The following ERCC6L2 variants were observed in gnomAD, a reference collection of about 807,000 sequenced individuals.
ERCC6L2 encodes the protein ERCC excision repair 6 like 2.
In ERCC6L2, 77 loss-of-function variants were observed where a neutral mutation model predicts 132.0. That is an observed-to-expected ratio of 0.58 (90% confidence interval 0.49 to 0.71). The LOEUF is 0.71. Among genes scored for constraint, ERCC6L2 ranks in the 30% least tolerant of loss-of-function variants. ERCC6L2 has a pLI of 0.00. For missense variants in ERCC6L2, 1,542 were observed against 1,837.6 expected (o/e 0.84, Z 2.94); for synonymous variants, 583 against 632.4 (o/e 0.92, Z 1.17).
intron 20 of ERCC6L2, among the ~76,000 whole-genome samples, chr9:96,040,949 G>A (rs1002756323): frequency 6.6e-6 from 1 of 152,194 alleles, no homozygotes; most frequent in Non-Finnish European, 1.5e-5. Context: ...TATGCTAATG[G>A]GCCCCCTCTG....
At chr9:95,894,843 G>A (rs1239404594) in intron 2 of ERCC6L2, among the ~76,000 whole-genome samples, 1 of 151,982 alleles carries the variant, frequency 6.6e-6, no homozygotes, top group Non-Finnish European at 1.5e-5. Context: ...TGATCCGCCC[G>A]CCTCGGCCTC....
intron 17 of ERCC6L2, among the ~76,000 whole-genome samples, chr9:96,002,454 C>T (rs1833721923): frequency 6.8e-6 from 1 of 146,246 alleles, no homozygotes; most frequent in Non-Finnish European, 1.5e-5. Context: ...CAAGATCTGG[C>T]CCTGTCACCC....
At chr9:96,035,650 A>G (rs1011187405) in intron 19 of ERCC6L2, among the ~76,000 whole-genome samples, 4 of 152,188 alleles carry the variant, frequency 2.6e-5, no homozygotes, top group African/African-American at 7.2e-5. Flanking sequence ...GTCTCCTCTA[A>G]GCTGTTCTAA....
At chr9:95,928,612 A>C in intron 10 of ERCC6L2, 107 bp from the exon 11 acceptor site, 7 of 1,012,290 alleles carry the variant, frequency 6.9e-6, no homozygotes, top group Non-Finnish European at 9.7e-6. Flanking sequence ...TATAAGAAAG[A>C]AATTATGAAC....
chr9:95,898,181 A>G (rs1828567449), intron 3 of ERCC6L2, among the ~76,000 whole-genome samples: 1 of 152,158 alleles, frequency 6.6e-6, no homozygotes, highest in Non-Finnish European at 1.5e-5. Flanking sequence ...CTGTCATGGC[A>G]AAACAGAATT....
At chr9:95,962,982 A>G (rs942612692) in intron 13 of ERCC6L2, among the ~76,000 whole-genome samples, 2 of 152,176 alleles carry the variant, frequency 1.3e-5, no homozygotes, top group African/African-American at 4.8e-5. Flanking sequence ...TGTATTGTTC[A>G]TGAGGGGCTT....
At chr9:96,035,652 C>T (rs1834510636) in intron 19 of ERCC6L2, among the ~76,000 whole-genome samples, 3 of 152,236 alleles carry the variant, frequency 2.0e-5, no homozygotes, top group Admixed American at 2.0e-4. Flanking sequence ...CTCCTCTAAG[C>T]TGTTCTAACA....
At chr9:95,945,041 A>G (rs1163393115) in intron 12 of ERCC6L2, among the ~76,000 whole-genome samples, 1 of 152,170 alleles carries the variant, frequency 6.6e-6, no homozygotes, top group Non-Finnish European at 1.5e-5. Flanking sequence ...AGAGCAGACA[A>G]CTGGTCTGAC....
intron 11 of ERCC6L2, among the ~76,000 whole-genome samples, chr9:95,934,222 G>A (rs1456856014): frequency 3.3e-5 from 5 of 152,058 alleles, no homozygotes; most frequent in East Asian, 1.9e-4. Context: ...ATTTATCATC[G>A]TTGTCTTACA....
Position 96,000,855 on chromosome 9 carries a change from G to A in ERCC6L2, c.3493-3665G>A, listed in dbSNP as rs539167804. 9.8e-5 allele frequency among the ~76,000 whole-genome samples: 15 copies of A among 152,342 alleles called. 1 individual carries two copies. The South Asian group carries it at 3.1e-3, about 32-fold the overall frequency. ...GTCTGAAAAGTTCTTACGTGATAGT[G>A]TGTCCGGAATTGGTGGGTTCTTGGT... On this transcript the variant is annotated intron_variant, in intron 17 of 18. Transcript: ENST00000653738.
At chr9:95,957,875 TG>T (rs201005753) in intron 13 of ERCC6L2, among the ~76,000 whole-genome samples, 174 of 148,338 alleles carry the variant, frequency 1.2e-3, no homozygotes, top group African/African-American at 3.6e-3. Context: ...ATTATGTTTT[TG>T]TTTTTTTTTT....
At chr9:95,988,424 C>T (rs914077822) in intron 17 of ERCC6L2, among the ~76,000 whole-genome samples, 44 of 152,126 alleles carry the variant, frequency 2.9e-4, no homozygotes, top group African/African-American at 1.0e-3. Context: ...TACTTAGTAT[C>T]GGAGTCAAAT....
chr9:95,949,567 A>G (rs1442695009), intron 12 of ERCC6L2, among the ~76,000 whole-genome samples: 6 of 151,910 alleles, frequency 3.9e-5, no homozygotes, highest in Admixed American at 3.3e-4. Flanking sequence ...TGGGGGAAAA[A>G]AAAACAAACA....
intron 17 of ERCC6L2, among the ~76,000 whole-genome samples, chr9:95,986,141 T>G (rs1224368611): frequency 6.6e-6 from 1 of 152,218 alleles, no homozygotes; most frequent in African/African-American, 2.4e-5. Context: ...TTGTGTGTGT[T>G]TATCTGCTAT....
chr9:95,876,185 A>G (rs1827256491), intron 1 of ERCC6L2, 101 bp downstream of exon 1: 2 of 1,116,634 alleles, frequency 1.8e-6, no homozygotes, highest in Non-Finnish European at 2.6e-6. Context: ...TGCCCTGTAG[A>G]TCCTCTTCAG....
At chr9:95,891,841 A>G (rs1051652805) in intron 2 of ERCC6L2, among the ~76,000 whole-genome samples, 1 of 152,040 alleles carries the variant, frequency 6.6e-6, no homozygotes, top group Non-Finnish European at 1.5e-5. Context: ...CCCTTTGTAG[A>G]TCTTTAGAGA....
intron 12 of ERCC6L2, among the ~76,000 whole-genome samples, chr9:95,944,772 C>T (rs541327913): frequency 6.6e-6 from 1 of 152,168 alleles, no homozygotes; most frequent in South Asian, 2.1e-4. Flanking sequence ...GGGGAGACAT[C>T]ACATGTCGGC....
intron 9 of ERCC6L2, among the ~76,000 whole-genome samples, chr9:95,923,897 T>C (rs1371316627): frequency 6.6e-6 from 1 of 152,164 alleles, no homozygotes; most frequent in African/African-American, 2.4e-5. Context: ...CACAGGAAAA[T>C]TGACCTGTAG....
At chr9:95,993,871 C>T (rs59375678) in intron 17 of ERCC6L2, among the ~76,000 whole-genome samples, 1,660 of 152,228 alleles carry the variant, frequency 0.011, 34 homozygotes, top group African/African-American at 0.037. Context: ...AATCTAAATG[C>T]TGTTGTTTTT....
Sources: gnomAD v4.1 joint callset for allele counts (sites outside exome capture counted in the v4.1 genomes callset) on GRCh38, gnomAD v4.1.1 for gene constraint, MANE v1.5 for transcripts, NCBI Gene and HGNC (gene_info 2026-07-23, HGNC 2026-07-21) for gene names.